ERC2: variants seen among roughly 807,000 people sequenced by gnomAD.
The protein encoded by ERC2 is ELKS/RAB6-interacting/CAST family member 2, also known as ERC protein 2.
ERC2 carries 42 observed loss-of-function variants against 114.8 expected under a neutral mutation model. That is an observed-to-expected ratio of 0.37 (90% confidence interval 0.29 to 0.47). The LOEUF (loss-of-function observed/expected upper bound fraction) is 0.47. Among genes scored for constraint, ERC2 ranks in the 20% least tolerant of loss-of-function variants. The pLI, the probability that ERC2 is intolerant of heterozygous loss-of-function variation, is 0.99. For synonymous variants in ERC2, 454 were observed against 425.5 expected (o/e 1.07, Z -0.82); for missense variants, 939 against 1,150.7 (o/e 0.82, Z 2.66).
At chr3:56,011,606 A>AACACACAC (rs3076645) in intron 8 of ERC2, among the ~76,000 whole-genome samples, 25 of 148,706 alleles carry the variant, frequency 1.7e-4, no homozygotes, top group African/African-American at 5.7e-4. Context: ...AAGAAACTTA[A>AACACACAC]ACACACACAC....
chr3:56,154,257 C>A (rs1253200754), intron 4 of ERC2, among the ~76,000 whole-genome samples: 2 of 151,820 alleles, frequency 1.3e-5, no homozygotes, highest in Admixed American at 1.3e-4. Flanking sequence ...AGAACGAATA[C>A]CAAAAAAATC....
chr3:55,578,940 G>A (rs1035302900), intron 17 of ERC2, among the ~76,000 whole-genome samples: 2 of 152,152 alleles, frequency 1.3e-5, no homozygotes, highest in African/African-American at 4.8e-5. Flanking sequence ...AGTGAGGGGT[G>A]GAGGTGGGAG....
intron 17 of ERC2, among the ~76,000 whole-genome samples, chr3:55,537,475 G>C (rs563028245): frequency 1.6e-4 from 24 of 152,320 alleles, no homozygotes; most frequent in South Asian, 1.4e-3. Context: ...TAGTCAGCTA[G>C]CTGATTTCTT....
At chr3:55,990,372 G>A (rs140214890) in intron 11 of ERC2, among the ~76,000 whole-genome samples, 204 of 152,140 alleles carry the variant, frequency 1.3e-3, no homozygotes, top group African/African-American at 4.7e-3. Flanking sequence ...ATATTATACC[G>A]GAAAATGTTG....
intron 14 of ERC2, among the ~76,000 whole-genome samples, chr3:55,857,724 G>A (rs1017413668): frequency 7.9e-5 from 12 of 152,346 alleles, no homozygotes; most frequent in African/African-American, 2.9e-4. Flanking sequence ...TCCTTGGAGA[G>A]AGAGAAAGCT....
intron 6 of ERC2, among the ~76,000 whole-genome samples, chr3:56,111,909 T>C (rs924643120): frequency 3.3e-5 from 5 of 152,238 alleles, no homozygotes; most frequent in Non-Finnish European, 7.3e-5. Flanking sequence ...ATTCTAAATA[T>C]GCAATTCATA....
chr3:55,517,713 C>A (rs974568001), intron 17 of ERC2, among the ~76,000 whole-genome samples: 1 of 152,184 alleles, frequency 6.6e-6, no homozygotes, highest in Admixed American at 6.5e-5. Flanking sequence ...AGGCACGAGT[C>A]GGCTGGTCTT....
intron 14 of ERC2, among the ~76,000 whole-genome samples, chr3:55,766,503 G>A (rs2067804224): frequency 6.6e-6 from 1 of 152,140 alleles, no homozygotes; most frequent in African/African-American, 2.4e-5. Flanking sequence ...TTCCTGCCCA[G>A]CCTTGGAAAT....
intron 14 of ERC2, among the ~76,000 whole-genome samples, chr3:55,845,336 C>G (rs911532876): frequency 6.6e-6 from 1 of 151,962 alleles, no homozygotes; most frequent in African/African-American, 2.4e-5. Context: ...AACCCCGTCT[C>G]TGCTAATAAT....
At chr3:56,271,491 A>G (rs1337118248) in intron 3 of ERC2, among the ~76,000 whole-genome samples, 1 of 152,228 alleles carries the variant, frequency 6.6e-6, no homozygotes, top group East Asian at 1.9e-4. Context: ...TAAGATAGAG[A>G]TAACAGAACC....
intron 3 of ERC2, among the ~76,000 whole-genome samples, chr3:56,273,804 T>C (rs1412682266): frequency 6.6e-6 from 1 of 152,156 alleles, no homozygotes; most frequent in Non-Finnish European, 1.5e-5. Context: ...ACTGTTGCAA[T>C]GTACTGATTT....
chr3:55,535,917 T>G (rs1326249842), intron 17 of ERC2, among the ~76,000 whole-genome samples: 3 of 152,062 alleles, frequency 2.0e-5, no homozygotes, highest in African/African-American at 7.2e-5. Context: ...GAGAATTGCT[T>G]GAACCTGGGA....
intron 14 of ERC2, among the ~76,000 whole-genome samples, chr3:55,776,150 T>C (rs1293166546): frequency 4.6e-5 from 7 of 152,048 alleles, no homozygotes; most frequent in Non-Finnish European, 8.8e-5. Context: ...TTTGTTGTTG[T>C]TGTTGTTGTT....
chr3:55,757,625 G>C (rs1461419844), intron 14 of ERC2, among the ~76,000 whole-genome samples: 2 of 152,064 alleles, frequency 1.3e-5, no homozygotes, highest in African/African-American at 4.8e-5. Flanking sequence ...AGAAATCAAT[G>C]AGATACTATA....
intron 14 of ERC2, among the ~76,000 whole-genome samples, chr3:55,841,694 A>G (rs2061142158): frequency 6.6e-6 from 1 of 152,154 alleles, no homozygotes; most frequent in Non-Finnish European, 1.5e-5. Flanking sequence ...GAGAAAGACT[A>G]AGGTAGAGAA....
chr3:56,187,184 G>C (rs1219925267), intron 3 of ERC2, among the ~76,000 whole-genome samples: 2 of 152,166 alleles, frequency 1.3e-5, no homozygotes, highest in Non-Finnish European at 2.9e-5. Flanking sequence ...GCCTCTGCCT[G>C]TGGGTTCCCC....
At chr3:55,584,633 T>C (rs2107580831) in intron 17 of ERC2, among the ~76,000 whole-genome samples, 1 of 152,296 alleles carries the variant, frequency 6.6e-6, no homozygotes, top group Non-Finnish European at 1.5e-5. Context: ...CACCTGCATA[T>C]GCCACGTAAA....
At chr3:55,599,677 G>A (rs2058309759) in intron 17 of ERC2, among the ~76,000 whole-genome samples, 1 of 152,196 alleles carries the variant, frequency 6.6e-6, no homozygotes. Context: ...AAAAGGAAGA[G>A]TGACTACAGT....
chr3:55,800,491 C>T (rs1336067290), intron 14 of ERC2, among the ~76,000 whole-genome samples: 3 of 152,006 alleles, frequency 2.0e-5, no homozygotes, highest in East Asian at 1.9e-4. Context: ...TCCCCTTCTG[C>T]CCAACTTCTA....
Sources: gnomAD v4.1 joint callset for allele counts (sites outside exome capture counted in the v4.1 genomes callset) on GRCh38, gnomAD v4.1.1 for gene constraint, MANE v1.5 for transcripts, NCBI Gene and HGNC (gene_info 2026-07-23, HGNC 2026-07-21) for gene names.